Variants in CUTA observed in about 807,000 individuals in gnomAD.
The protein encoded by CUTA is protein CutA.
In CUTA, 21 loss-of-function variants were observed where a neutral mutation model predicts 20.7. The ratio of observed to expected loss-of-function variants is 1.01; its 90% CI spans 0.72 to 1.46. The LOEUF is 1.46. CUTA is among the 40% of genes most tolerant of loss of function. The probability of loss-of-function intolerance (pLI) is 0.00; values close to 1 mark genes in which losing one functional copy is unlikely to be tolerated. For missense variants in CUTA, 231 were observed against 226.8 expected (o/e 1.02, Z -0.12); for synonymous variants, 99 against 97.9 (o/e 1.01, Z -0.07).
At position 33,416,939 on chromosome 6, in the gene CUTA, C is replaced by T; in HGVS notation, c.394G>A (p.Ala132Thr). ...MIKTQSSLVP[A>T]LTDFVRSVHP... ...TCTCACCGAACAAAATCTGTCAAAGCTGGGACCAAGGAACTTTGGGTTTTA... is the reference window on the plus strand; with the variant it reads ...TCTCACCGAACAAAATCTGTCAAAGTTGGGACCAAGGAACTTTGGGTTTTA... The change falls in exon 5 of 6, where the codon GCT becomes ACT. Residue 132 changes from alanine (A) to threonine (T), a missense_variant. Ala to Thr is a moderately conservative substitution (Grantham distance 58). Transcript: ENST00000488034. 1 of 1,614,182 alleles carries T rather than the reference C, an allele frequency of 6.2e-7. No homozygotes were observed. The highest frequency in any genetic ancestry group is 8.5e-7 in the Non-Finnish European group (1 of 1,180,032).
chr6:33,417,896 A>G (rs769336511), intron 1 of CUTA, 63 bp downstream of exon 1: 39 of 1,579,776 alleles, frequency 2.5e-5, no homozygotes, highest in Middle Eastern at 1.7e-4. Flanking sequence ...TCTGGGATTT[A>G]GGGTGCGGGT....
In CUTA at chr6:33,417,654, C is replaced by G; in HGVS notation, c.84G>C (p.Leu28=). The G allele has an allele frequency of 6.2e-7, 1 of 1,612,154 alleles. No individual in the cohort carries two copies. The highest frequency in any genetic ancestry group is 8.5e-7 in the Non-Finnish European group (1 of 1,178,946). Residue 28 remains leucine, a synonymous_variant, in exon 2 of 6, where the codon CTG becomes CTC. Transcript: ENST00000488034. ...LLSFVWMPAL[L]PVASRLLLLP... ...GCAACAAAAGGCGGGAGGCCACAGG[C>G]AGCAGCGCCGGCATCCAAACAAAAG...
chr6:33,416,847 C>T, intron 5 of CUTA, 71 bp from the exon 6 acceptor site: 1 of 1,606,632 alleles, frequency 6.2e-7, no homozygotes, highest in South Asian at 1.1e-5. Flanking sequence ...CCCTTACACG[C>T]AAGCCCTAGA....
At position 33,417,967 on chromosome 6, in the gene CUTA, C is replaced by T. The variant is rs1353793675; in HGVS notation, c.34G>A (p.Gly12Ser). Residue 12 changes from glycine to serine, a missense_variant, in exon 1 of 6, where the codon GGC becomes AGC. Coordinates refer to ENST00000488034, the MANE Select transcript of CUTA (RefSeq NM_001014840.2). Reference protein sequence around the residue: ...SGGRAPAVLLGGVASLLLSFV... With the variant: ...SGGRAPAVLLSGVASLLLSFV... ...CGGGGCCGGTCACTCACCACTCCGCCGAGCAGGACCGCGGGAGCCCGCCCC... is the reference window on the plus strand; with the variant it reads ...CGGGGCCGGTCACTCACCACTCCGCTGAGCAGGACCGCGGGAGCCCGCCCC... The T allele has an allele frequency of 1.9e-6, 3 of 1,601,024 alleles. No homozygotes were observed. In the African/African-American group the frequency reaches 4.0e-5, roughly 21 times the overall value.
intron 1 of CUTA, 74 bp from the exon 2 acceptor site, chr6:33,417,769 A>G (rs1393123960): frequency 6.5e-7 from 1 of 1,550,386 alleles, no homozygotes; most frequent in African/African-American, 1.4e-5. Context: ...GCCTTCGCTT[A>G]GATCCTCAGG....
chr6:33,416,832 C>G (rs1776529888), intron 5 of CUTA, 56 bp from the exon 6 acceptor site: 2 of 1,606,644 alleles, frequency 1.2e-6, no homozygotes. Context: ...CCAAAAGAAC[C>G]CACTCCCTTA....
Position 33,417,992 on chromosome 6 carries a change from C to T in CUTA, c.9G>A (p.Gly3=). 1 of 1,612,922 alleles carries T rather than the reference C, an allele frequency of 6.2e-7. No individual in the cohort carries two copies. The highest frequency in any genetic ancestry group is 1.3e-5 in the African/African-American group (1 of 75,038). The change falls in exon 1 of 6, where the codon GGG becomes GGA. Residue 3 remains glycine (G), a synonymous_variant. Transcript: ENST00000488034. MS[G]GRAPAVLLGG... ...CGAGCAGGACCGCGGGAGCCCGCCC[C>T]CCACTCATGCGGCCTACGCTGGTAC...
chr6:33,417,573 C>T lies in CUTA; in HGVS notation c.165G>A (p.Pro55=), dbSNP rs750975223. Residue 55 remains proline (P), a synonymous_variant, in exon 2 of 6, where the codon CCG becomes CCA. Coordinates refer to ENST00000488034, the MANE Select transcript of CUTA (RefSeq NM_001014840.2). ...CGTAGCCAGAGCCGGAATCCGAGGC[C>T]GGCGAGGGCTGGGTCGGAGGGCTTC... ...ASGSPPTQPS[P]ASDSGSGYVP... The T allele has an allele frequency of 5.0e-6, 8 of 1,614,024 alleles. No homozygotes were observed. The highest frequency in any genetic ancestry group is 1.3e-5 in the African/African-American group (1 of 74,902).
chr6:33,416,564 AT>A lies in CUTA; in HGVS notation c.*85del. On this transcript the variant is annotated 3_prime_UTR_variant, in exon 6 of 6. Transcript: ENST00000488034. ...AAAGGCAGAGAGACCCAAAGACGGGATTTATTGGGGGCCCAGTCATCACCTG... is the reference window on the plus strand; with the variant it reads ...AAAGGCAGAGAGACCCAAAGACGGGATTATTGGGGGCCCAGTCATCACCTG... The A allele has an allele frequency of 1.2e-6, 1 of 839,380 alleles. No homozygotes were observed. The highest frequency in any genetic ancestry group is 2.1e-6 in the Non-Finnish European group (1 of 486,574). 52.0% of individuals were successfully genotyped at this position (839,380 alleles called of 1,614,324 possible).
At position 33,416,928 on chromosome 6, in the gene CUTA, ATCTG is replaced by A; in HGVS notation, c.401_404del (p.Thr134IlefsTer14). ...CATCTCAAAGTTCTCACCGAACAAA[ATCTG>A]TCAAAGCTGGGACCAAGGAACTTTG... On this transcript the variant is annotated frameshift_variant, in exon 5 of 6. Coordinates refer to ENST00000488034, the MANE Select transcript of CUTA (RefSeq NM_001014840.2). LOFTEE classifies it high-confidence loss of function. The A allele has an allele frequency of 6.2e-7, 1 of 1,614,174 alleles. No individual in the cohort carries two copies. The highest frequency in any genetic ancestry group is 8.5e-7 in the Non-Finnish European group (1 of 1,180,022).
Position 33,416,569 on chromosome 6 carries a change from T to G in CUTA, c.*81A>C. On this transcript the variant is annotated 3_prime_UTR_variant, in exon 6 of 6. Transcript: ENST00000488034. ...CAGAGAGACCCAAAGACGGGATTTA[T>G]TGGGGGCCCAGTCATCACCTGGAAG... 1 of 860,890 alleles carries G rather than the reference T, an allele frequency of 1.2e-6. No individual in the cohort carries two copies. The highest frequency in any genetic ancestry group is 1.4e-5 in the South Asian group (1 of 73,850). The allele number at this position is 860,890 out of a possible 1,614,324, so 53.3% of individuals were successfully genotyped here.
chr6:33,417,393 T>C (rs1776574894), intron 2 of CUTA, 83 bp from the exon 3 acceptor site: 1 of 1,612,548 alleles, frequency 6.2e-7, no homozygotes, highest in East Asian at 2.2e-5. Flanking sequence ...CTTCCAGAGC[T>C]GGAGAAAGGA....
chr6:33,416,671 G>A lies in CUTA; in HGVS notation c.519C>T (p.Asp173=). The A allele has an allele frequency of 6.2e-7, 1 of 1,603,136 alleles. No individual in the cohort carries two copies. Among genetic ancestry groups the A allele is most frequent in the Non-Finnish European group, 8.5e-7 (1 of 1,169,992 alleles). The change falls in exon 6 of 6, where the codon GAC becomes GAT. Residue 173 remains aspartate, a synonymous_variant. Transcript: ENST00000488034. ...CTCATCATGGCAGGACTGTGATAGA[G>A]TCAGAAACTGACTCTGTGACCTGGC... ...WVRQVTESVS[D]SITVLP
intron 4 of CUTA, 34 bp from the exon 5 acceptor site, chr6:33,417,003 G>A (rs748016402): frequency 6.2e-7 from 1 of 1,613,416 alleles, no homozygotes; most frequent in Non-Finnish European, 8.5e-7. Flanking sequence ...TTGAATCAAG[G>A]AGTGGGATTG....
chr6:33,417,623 G>C lies in CUTA; in HGVS notation c.115C>G (p.Arg39Gly), dbSNP rs780036880. 5.0e-6 allele frequency: 8 copies of C among 1,610,232 alleles called. No individual in the cohort carries two copies. The highest frequency in any genetic ancestry group is 6.8e-6 in the Non-Finnish European group (8 of 1,176,628). ...PVASRLLLLP[R>G]VLLTMASGSP... Reference sequence around the variant, plus strand: ...CCAGAGGCCATGGTCAGCAAGACTCGGGGTAGCAACAAAAGGCGGGAGGCC... The same window carrying C: ...CCAGAGGCCATGGTCAGCAAGACTCCGGGTAGCAACAAAAGGCGGGAGGCC... The change falls in exon 2 of 6, where the codon CGA becomes GGA. Residue 39 changes from arginine to glycine, a missense_variant. Arg to Gly is a moderately radical substitution (Grantham distance 125, BLOSUM62 -2). Transcript: ENST00000488034.
intron 3 of CUTA, 21 bp downstream of exon 3, chr6:33,417,230 C>G (rs773608015): frequency 1.2e-6 from 2 of 1,614,094 alleles, no homozygotes; most frequent in Non-Finnish European, 8.5e-7. Context: ...TTAGGTTAAC[C>G]CCCCAACTCC....
At position 33,416,578 on chromosome 6, in the gene CUTA, C is replaced by G. The variant is rs781342305; in HGVS notation, c.*72G>C. The G allele has an allele frequency of 2.2e-6, 2 of 910,098 alleles. No homozygotes were observed. Among genetic ancestry groups the G allele is most frequent in the Non-Finnish European group, 3.7e-6 (2 of 545,098 alleles). The allele number at this position is 910,098 out of a possible 1,614,324, so 56.4% of individuals were successfully genotyped here. Reference sequence around the variant, plus strand: ...CCAAAGACGGGATTTATTGGGGGCCCAGTCATCACCTGGAAGTCAGAAGGC... The same window carrying G: ...CCAAAGACGGGATTTATTGGGGGCCGAGTCATCACCTGGAAGTCAGAAGGC... On this transcript the variant is annotated 3_prime_UTR_variant, in exon 6 of 6. Coordinates refer to ENST00000488034, the MANE Select transcript of CUTA (RefSeq NM_001014840.2).
At position 33,416,616 on chromosome 6, in the gene CUTA, C is replaced by T. The variant is rs370122087; in HGVS notation, c.*34G>A. On this transcript the variant is annotated 3_prime_UTR_variant, in exon 6 of 6. Coordinates refer to ENST00000488034, the MANE Select transcript of CUTA (RefSeq NM_001014840.2). ...GAAGTCAGAAGGCGTTGAAGTATCGCGGGGATCTTCATGATGAGCAGGAAC... is the reference window on the plus strand; with the variant it reads ...GAAGTCAGAAGGCGTTGAAGTATCGTGGGGATCTTCATGATGAGCAGGAAC... The T allele has an allele frequency of 2.9e-5, 36 of 1,255,858 alleles. No individual in the cohort carries two copies. The highest frequency in any genetic ancestry group is 3.9e-5 in the Non-Finnish European group (33 of 854,146). The allele number at this position is 1,255,858 out of a possible 1,614,324, so 77.8% of individuals were successfully genotyped here.
Position 33,417,978 on chromosome 6 carries a change from G to T in CUTA, c.23C>A (p.Ala8Glu). The T allele has an allele frequency of 6.2e-7, 1 of 1,608,582 alleles. No homozygotes were observed. The highest frequency in any genetic ancestry group is 8.5e-7 in the Non-Finnish European group (1 of 1,177,668). Residue 8 changes from alanine (A) to glutamate (E), a missense_variant, in exon 1 of 6, where the codon GCG becomes GAG. Transcript: ENST00000488034. Reference sequence around the variant, plus strand: ...ACTCACCACTCCGCCGAGCAGGACCGCGGGAGCCCGCCCCCCACTCATGCG... The same window carrying T: ...ACTCACCACTCCGCCGAGCAGGACCTCGGGAGCCCGCCCCCCACTCATGCG... MSGGRAP[A>E]VLLGGVASLL...
Sources: gnomAD v4.1 joint callset for allele counts on GRCh38, gnomAD v4.1.1 for gene constraint, MANE v1.5 for transcripts, NCBI Gene and HGNC (gene_info 2026-07-23, HGNC 2026-07-21) for gene names.